PPP3CC: variants seen among roughly 807,000 people sequenced by gnomAD.
The protein encoded by PPP3CC is serine/threonine-protein phosphatase 2B catalytic subunit gamma isoform.
In PPP3CC, 35 loss-of-function variants were observed where a neutral mutation model predicts 60.3. The observed-to-expected ratio is 0.58, with a 90% CI of 0.44 to 0.77. PPP3CC has a LOEUF of 0.77. Ranked by LOEUF, PPP3CC falls within the 30% of genes least tolerant of loss-of-function variation. PPP3CC has a pLI of 0.00. For synonymous variants in PPP3CC, 206 were observed against 224.3 expected (o/e 0.92, Z 0.73); for missense variants, 570 against 628.9 (o/e 0.91, Z 1.00).
intron 5 of PPP3CC, among the ~76,000 whole-genome samples, chr8:22,511,781 C>T (rs1232994545): frequency 6.6e-6 from 1 of 152,074 alleles, no homozygotes. Flanking sequence ...TAGTATAGTC[C>T]TGAAACTTTG....
chr8:22,481,301 C>G (rs919819682), intron 3 of PPP3CC, among the ~76,000 whole-genome samples: 1 of 151,666 alleles, frequency 6.6e-6, no homozygotes, highest in Non-Finnish European at 1.5e-5. Flanking sequence ...CGCCACTGCA[C>G]TGCAGCCTGG....
At chr8:22,497,374 G>T (rs1459938407) in intron 3 of PPP3CC, among the ~76,000 whole-genome samples, 1 of 151,494 alleles carries the variant, frequency 6.6e-6, no homozygotes, top group Non-Finnish European at 1.5e-5. Context: ...TGTTGCCCAG[G>T]TTAGCCTTGA....
In PPP3CC at chr8:22,495,159, G is replaced by C. The variant is rs113559136; in HGVS notation, c.373-2842G>C. ...AGATGGGGTCTTGCTGTATTGCCCAGGTTGGTCTTAAACTCCTGGTCTCAA... is the reference window on the plus strand; with the variant it reads ...AGATGGGGTCTTGCTGTATTGCCCACGTTGGTCTTAAACTCCTGGTCTCAA... On this transcript the variant is annotated intron_variant, in intron 3 of 13. Transcript: ENST00000240139. Among the ~76,000 whole-genome samples the C allele has an allele frequency of 5.1e-4, 78 of 152,206 alleles. 1 individual carries two copies. The highest frequency in any genetic ancestry group is 1.8e-3 in the African/African-American group (75 of 41,528).
At chr8:22,447,118 C>T (rs1045214630) in intron 1 of PPP3CC, among the ~76,000 whole-genome samples, 5 of 151,442 alleles carry the variant, frequency 3.3e-5, no homozygotes, top group African/African-American at 1.2e-4. Flanking sequence ...GGTGATCCAC[C>T]TCAGCCTCCC....
chr8:22,499,455 AAG>A, intron 4 of PPP3CC, among the ~76,000 whole-genome samples: 1 of 151,726 alleles, frequency 6.6e-6, no homozygotes, highest in Non-Finnish European at 1.5e-5. Flanking sequence ...CAAAAAAAAA[AAG>A]AAAAAAAAAA....
Position 22,444,614 on chromosome 8 carries a change from C to T in PPP3CC, c.49+3156C>T, listed in dbSNP as rs142404193. On this transcript the variant is annotated intron_variant, in intron 1 of 13. Coordinates refer to ENST00000240139, the MANE Select transcript of PPP3CC (RefSeq NM_005605.5). ...CCTAGGCAGCAGATTTCTTCTCTAT[C>T]TGTTGAAGGTGTTTATTTTATGTTT... Among the ~76,000 whole-genome samples, 57 of 152,320 alleles carry T rather than the reference C, an allele frequency of 3.7e-4. No individual in the cohort carries two copies. The East Asian group carries it at 7.9e-3, about 21-fold the overall frequency.
intron 3 of PPP3CC, among the ~76,000 whole-genome samples, chr8:22,496,562 A>G (rs918126687): frequency 8.3e-6 from 1 of 119,994 alleles, no homozygotes; most frequent in East Asian, 2.7e-4. Context: ...CAGCGGTATG[A>G]TCTTGGCTCA....
intron 6 of PPP3CC, among the ~76,000 whole-genome samples, chr8:22,517,559 GCTTT>G: frequency 6.6e-6 from 1 of 151,988 alleles, no homozygotes; most frequent in Non-Finnish European, 1.5e-5. Flanking sequence ...GTCTGTTTGG[GCTTT>G]CTATTTCTTC....
At chr8:22,482,001 G>A (rs1248392891) in intron 3 of PPP3CC, among the ~76,000 whole-genome samples, 1 of 152,146 alleles carries the variant, frequency 6.6e-6, no homozygotes, top group Non-Finnish European at 1.5e-5. Flanking sequence ...ACATACGTGT[G>A]CATGTGTCTT....
Position 22,528,514 on chromosome 8 carries a change from A to G in PPP3CC, c.1078A>G (p.Met360Val). The G allele has an allele frequency of 6.5e-7, 1 of 1,538,938 alleles. No homozygotes were observed. Among genetic ancestry groups the G allele is most frequent in the Non-Finnish European group, 8.8e-7 (1 of 1,136,424 alleles). The change falls in exon 10 of 14, where the codon ATG (methionine) becomes GTG (valine). Residue 360 changes from methionine to valine, a missense_variant. Coordinates refer to ENST00000240139, the MANE Select transcript of PPP3CC (RefSeq NM_005605.5). ...TATTTTGTCTTACTTAGTCACAGAG[A>G]TGCTGGTAAATGTGCTCAACATATG... ...LPFVGEKVTEMLVNVLNICSD... is the reference protein window; with the variant it reads ...LPFVGEKVTEVLVNVLNICSD...
chr8:22,509,446 G>A (rs552267501), intron 4 of PPP3CC, among the ~76,000 whole-genome samples: 3 of 152,206 alleles, frequency 2.0e-5, no homozygotes, highest in Non-Finnish European at 4.4e-5. Flanking sequence ...CTGCAGGGTT[G>A]CCTGACTATA....
At chr8:22,526,569 A>G (rs1349282967) in intron 8 of PPP3CC, among the ~76,000 whole-genome samples, 1 of 152,218 alleles carries the variant, frequency 6.6e-6, no homozygotes, top group African/African-American at 2.4e-5. Context: ...GTAGCAAAGA[A>G]ACAGGAATGA....
intron 3 of PPP3CC, among the ~76,000 whole-genome samples, chr8:22,491,852 AT>A (rs1245296695): frequency 6.6e-6 from 1 of 152,006 alleles, no homozygotes; most frequent in Admixed American, 6.6e-5. Context: ...GATTTTTGTG[AT>A]TTTCCCATAT....
intron 6 of PPP3CC, among the ~76,000 whole-genome samples, chr8:22,515,542 A>T (rs1490023463): frequency 6.6e-6 from 1 of 152,092 alleles, no homozygotes; most frequent in African/African-American, 2.4e-5. Flanking sequence ...TTTTTGAGGA[A>T]CTCCAAACTG....
At chr8:22,471,874 C>A (rs1196660614) in intron 1 of PPP3CC, among the ~76,000 whole-genome samples, 1 of 152,154 alleles carries the variant, frequency 6.6e-6, no homozygotes, top group Non-Finnish European at 1.5e-5. Flanking sequence ...CTCCTGTAAT[C>A]CCAGCACTTT....
intron 3 of PPP3CC, chr8:22,493,188 T>C (rs563627506): frequency 1.6e-4 from 189 of 1,165,012 alleles, no homozygotes; most frequent in Non-Finnish European, 2.3e-4. Context: ...GACTGCTTTT[T>C]AAGAAATTTT....
At chr8:22,451,287 C>T (rs1394349571) in intron 1 of PPP3CC, among the ~76,000 whole-genome samples, 1 of 152,028 alleles carries the variant, frequency 6.6e-6, no homozygotes, top group East Asian at 1.9e-4. Context: ...AGGTGCATGC[C>T]ACCACGCCCA....
chr8:22,486,646 A>G (rs1428887114), intron 3 of PPP3CC, among the ~76,000 whole-genome samples: 1 of 152,120 alleles, frequency 6.6e-6, no homozygotes, highest in Non-Finnish European at 1.5e-5. Flanking sequence ...ACAGAGGTAC[A>G]GAGGGCTTGG....
intron 12 of PPP3CC, among the ~76,000 whole-genome samples, chr8:22,537,556 C>G (rs1422214109): frequency 6.6e-6 from 1 of 152,152 alleles, no homozygotes; most frequent in African/African-American, 2.4e-5. Flanking sequence ...CCAGTCATAG[C>G]TACATACCCC....
Sources: gnomAD v4.1 joint callset for allele counts (sites outside exome capture counted in the v4.1 genomes callset) on GRCh38, gnomAD v4.1.1 for gene constraint, MANE v1.5 for transcripts, NCBI Gene and HGNC (gene_info 2026-07-23, HGNC 2026-07-21) for gene names.